CD36: variants seen among roughly 807,000 people sequenced by gnomAD.
The protein encoded by CD36 is CD36 molecule (CD36 blood group), also known as platelet glycoprotein 4.
Under a neutral mutation model 55.2 loss-of-function variants are expected in CD36, and 119 were observed. The observed-to-expected ratio is 2.15, with a 90% confidence interval of 1.86 to 2.51. CD36 has a LOEUF of 2.51. Ranked by LOEUF, CD36 falls within the 30% of genes most tolerant of loss-of-function variation. The pLI, the probability that CD36 is intolerant of heterozygous loss-of-function variation, is 0.00. For missense variants in CD36, 819 were observed against 555.5 expected, an observed-to-expected ratio of 1.47 and a Z score of -4.77; for synonymous variants, 186 against 193.6, an observed-to-expected ratio of 0.96 and a Z score of 0.33.
chr7:80,666,889 T>C (rs1301495053), intron 8 of CD36, among the ~76,000 whole-genome samples: 1 of 152,164 alleles, frequency 6.6e-6, no homozygotes, highest in South Asian at 2.1e-4. Flanking sequence ...AGAAAACATA[T>C]CTAAGCAAGG....
intron 1 of CD36, among the ~76,000 whole-genome samples, chr7:80,614,721 T>A (rs1584275078): frequency 6.6e-6 from 1 of 152,274 alleles, no homozygotes. Context: ...TACCCCAGTT[T>A]ATAATGTGAA....
intron 8 of CD36, among the ~76,000 whole-genome samples, 159 bp from the exon 9 acceptor site, chr7:80,669,794 G>A (rs1038748060): frequency 3.3e-5 from 5 of 152,094 alleles, no homozygotes; most frequent in African/African-American, 1.2e-4. Context: ...AGCATGCCTG[G>A]CCGGTTATTT....
chr7:80,621,270 G>A (rs149513582), intron 1 of CD36, among the ~76,000 whole-genome samples: 8 of 152,306 alleles, frequency 5.3e-5, no homozygotes, highest in African/African-American at 1.9e-4. Context: ...AAATTTGTGT[G>A]ACTCAGTTTA....
At position 80,663,161 on chromosome 7, in the gene CD36, T is replaced by C. The variant is rs1796699020; in HGVS notation, c.601T>C (p.Phe201Leu). ...PYPVTTTVGL[F>L]YPYNNTADGV... ...CCCTGTTACTACCACAGTTGGTCTG[T>C]TTTATCCTGTAAGTACCAAATATGA... The change falls in exon 6 of 15, where the codon TTT becomes CTT. Residue 201 changes from phenylalanine to leucine, a missense_variant. Phe to Leu is a conservative substitution (Grantham distance 22). Coordinates refer to ENST00000447544, the MANE Select transcript of CD36 (RefSeq NM_001001548.3). 7.4e-6 allele frequency: 12 copies of C among 1,612,722 alleles called. No homozygotes were observed. Among genetic ancestry groups the C allele is most frequent in the Non-Finnish European group, 8.5e-6 (10 of 1,178,832 alleles).
At chr7:80,653,573 C>G (rs916396302) in intron 3 of CD36, among the ~76,000 whole-genome samples, 1 of 152,120 alleles carries the variant, frequency 6.6e-6, no homozygotes, top group South Asian at 2.1e-4. Context: ...GAGTCAGGGA[C>G]AAATACACAC....
intron 1 of CD36, among the ~76,000 whole-genome samples, chr7:80,621,224 A>G (rs1793454542): frequency 6.6e-6 from 1 of 152,210 alleles, no homozygotes; most frequent in African/African-American, 2.4e-5. Context: ...AGACTATAGT[A>G]TAGGGTAAAC....
In CD36 at chr7:80,652,960, TG is replaced by T. The variant is rs1241657179; in HGVS notation, c.121-3579del. ...GAAAATGCCAAAATTCAACTTTTTTTGATTTTCAAAAATACTAAGTCTATAT... is the reference window on the plus strand; with the variant it reads ...GAAAATGCCAAAATTCAACTTTTTTTATTTTCAAAAATACTAAGTCTATAT... On this transcript the variant is annotated intron_variant, in intron 3 of 14. Coordinates refer to ENST00000447544, the MANE Select transcript of CD36 (RefSeq NM_001001548.3). Among the ~76,000 whole-genome samples, 6 of 152,294 alleles carry T rather than the reference TG, an allele frequency of 3.9e-5. No homozygotes were observed. In the East Asian group the frequency reaches 1.2e-3, roughly 29 times the overall value.
chr7:80,659,087 G>A (rs1298109099), intron 4 of CD36, among the ~76,000 whole-genome samples: 1 of 152,104 alleles, frequency 6.6e-6, no homozygotes, highest in Non-Finnish European at 1.5e-5. Context: ...TCTTGTCTCA[G>A]CATGTCACCA....
chr7:80,671,413 C>T lies in CD36; in HGVS notation c.1006+249C>T, dbSNP rs6953487. ...GCTGATTTTGTATTTTGGGAAGATC[C>T]CACTTGTGTTTCAGTATTACAAAAT... is the stretch of plus-strand genomic sequence containing the variant. On this transcript the variant is annotated intron_variant, in intron 10 of 14. Transcript: ENST00000447544. Among the ~76,000 whole-genome samples, 1,157 of 152,078 alleles carry T rather than the reference C, an allele frequency of 7.6e-3. 27 individuals carry two copies. In the East Asian group the frequency reaches 0.097, roughly 13 times the overall value.
chr7:80,609,705 A>G (rs1253979084), intron 1 of CD36, among the ~76,000 whole-genome samples: 1 of 152,270 alleles, frequency 6.6e-6, no homozygotes, highest in African/African-American at 2.4e-5. Context: ...TAAATAAAAC[A>G]AAGTTGATGA....
At chr7:80,665,485 A>G (rs1365821553) in intron 7 of CD36, among the ~76,000 whole-genome samples, 1 of 118,750 alleles carries the variant, frequency 8.4e-6, no homozygotes, top group African/African-American at 2.6e-5. Context: ...TCTTCTAAAG[A>G]GTCCACAGTT....
At chr7:80,664,936 C>T (rs1796914293) in intron 7 of CD36, among the ~76,000 whole-genome samples, 1 of 151,174 alleles carries the variant, frequency 6.6e-6, no homozygotes, top group Non-Finnish European at 1.5e-5. Flanking sequence ...ATATCGAATT[C>T]CATATTCCAG....
intron 8 of CD36, among the ~76,000 whole-genome samples, chr7:80,669,428 A>G (rs1797429788): frequency 6.6e-6 from 1 of 152,126 alleles, no homozygotes; most frequent in Admixed American, 6.5e-5. Context: ...TAAGTTAAAT[A>G]TAGTTTTGTT....
chr7:80,674,395 A>G, intron 14 of CD36: 2 of 323,784 alleles, frequency 6.2e-6, no homozygotes, highest in South Asian at 3.2e-5. Context: ...GCACAAATAA[A>G]GCACTTGTGC....
At chr7:80,615,111 T>C (rs1793075697) in intron 1 of CD36, among the ~76,000 whole-genome samples, 1 of 152,154 alleles carries the variant, frequency 6.6e-6, no homozygotes, top group Non-Finnish European at 1.5e-5. Flanking sequence ...TAATCCAAAC[T>C]CTGCCTAGAA....
upstream of CD36, among the ~76,000 whole-genome samples, chr7:80,635,480 G>C (rs1794340878): frequency 6.6e-6 from 1 of 151,966 alleles, no homozygotes; most frequent in South Asian, 2.1e-4. Context: ...TCACCATGTT[G>C]GTCAAGCTAC....
chr7:80,673,304 T>TTATGAAC (rs1797901235), intron 12 of CD36, 51 bp from the exon 13 acceptor site: 1 of 812,354 alleles, frequency 1.2e-6, no homozygotes, highest in South Asian at 1.7e-5. Flanking sequence ...AAGTTTGTTA[T>TTATGAAC]ATATAAATAT....
chr7:80,627,822 T>G (rs1793831276), intron 1 of CD36, among the ~76,000 whole-genome samples: 1 of 152,190 alleles, frequency 6.6e-6, no homozygotes, highest in South Asian at 2.1e-4. Flanking sequence ...ACTGGTACAT[T>G]GCATCATTTA....
upstream of CD36, among the ~76,000 whole-genome samples, chr7:80,636,617 T>C (rs1794424397): frequency 6.6e-6 from 1 of 152,054 alleles, no homozygotes; most frequent in Non-Finnish European, 1.5e-5. Context: ...TCTAATAAAT[T>C]AATCCAGTGT....
Sources: gnomAD v4.1 joint callset for allele counts (sites outside exome capture counted in the v4.1 genomes callset) on GRCh38, gnomAD v4.1.1 for gene constraint, MANE v1.5 for transcripts, NCBI Gene and HGNC (gene_info 2026-07-23, HGNC 2026-07-21) for gene names.